Variants in XIRP2 observed in about 807,000 individuals in gnomAD.
XIRP2 encodes xin actin binding repeat containing 2.
In XIRP2, 236 loss-of-function variants were observed where a neutral mutation model predicts 277.0. The ratio of observed to expected loss-of-function variants is 0.85; its 90% CI spans 0.77 to 0.95. The LOEUF is 0.95. XIRP2 is among the 40% of genes least tolerant of loss of function. XIRP2 has a pLI of 0.00. For synonymous variants in XIRP2, 1,490 were observed against 1,416.5 expected, an observed-to-expected ratio of 1.05 and a Z score of -1.17; for missense variants, 4,640 against 4,157.5, an observed-to-expected ratio of 1.12 and a Z score of -3.19.
intron 2 of XIRP2, among the ~76,000 whole-genome samples, chr2:166,929,565 A>G (rs1188260048): frequency 6.6e-6 from 1 of 152,128 alleles, no homozygotes; most frequent in East Asian, 1.9e-4. Context: ...TTATCGGACT[A>G]TAGTGATTAT....
chr2:167,254,297 T>C, intron 10 of XIRP2, 132 bp downstream of exon 10: 1 of 1,122,510 alleles, frequency 8.9e-7, no homozygotes, highest in Non-Finnish European at 1.2e-6. Context: ...CACAGGGAGA[T>C]TTGCTCATGT....
chr2:166,938,981 G>T (rs1379146048), intron 2 of XIRP2, among the ~76,000 whole-genome samples: 6 of 152,014 alleles, frequency 3.9e-5, no homozygotes, highest in African/African-American at 1.5e-4. Flanking sequence ...TGAGCCTATT[G>T]TGTCTCTGCA....
chr2:167,042,239 T>C (rs1688676121), intron 2 of XIRP2, among the ~76,000 whole-genome samples: 1 of 152,030 alleles, frequency 6.6e-6, no homozygotes, highest in Non-Finnish European at 1.5e-5. Flanking sequence ...AAAAACACAC[T>C]TAAGTACATA....
Position 167,024,396 on chromosome 2 carries a change from C to G in XIRP2, c.409-111513C>G, listed in dbSNP as rs575605564. Among the ~76,000 whole-genome samples the G allele has an allele frequency of 3.9e-5, 6 of 152,254 alleles. 1 individual carries two copies. The South Asian group carries it at 1.0e-3, about 26-fold the overall frequency. On this transcript the variant is annotated intron_variant, in intron 2 of 10. Transcript: ENST00000409195. ...TCTAGATATGCAATCATGTCATCTG[C>G]AAACAGGGACAATTTGACTTCCTCT...
chr2:167,183,327 A>C (rs1007243945), intron 3 of XIRP2, among the ~76,000 whole-genome samples: 1 of 152,208 alleles, frequency 6.6e-6, no homozygotes, highest in Non-Finnish European at 1.5e-5. Context: ...GAGAGAATGT[A>C]GATGTAGCTT....
chr2:166,927,251 G>C (rs1031812825), intron 2 of XIRP2, among the ~76,000 whole-genome samples: 16 of 152,138 alleles, frequency 1.1e-4, no homozygotes, highest in Admixed American at 3.9e-4. Flanking sequence ...AGGTTCATCA[G>C]GCCAACTTCC....
chr2:166,912,159 T>C (rs1684727042), intron 2 of XIRP2, among the ~76,000 whole-genome samples: 1 of 152,232 alleles, frequency 6.6e-6, no homozygotes, highest in Non-Finnish European at 1.5e-5. Context: ...TGGCCTGCCT[T>C]GCTAGGTTGG....
At chr2:167,095,446 G>A (rs1294107030) in intron 2 of XIRP2, among the ~76,000 whole-genome samples, 7 of 152,094 alleles carry the variant, frequency 4.6e-5, no homozygotes, top group Non-Finnish European at 1.0e-4. Flanking sequence ...CATTGGCTGT[G>A]GGTTTGTCCT....
At chr2:167,122,796 C>T (rs1436244349) in intron 2 of XIRP2, among the ~76,000 whole-genome samples, 5 of 152,128 alleles carry the variant, frequency 3.3e-5, no homozygotes, top group Non-Finnish European at 7.4e-5. Flanking sequence ...TCACATTGAA[C>T]AATCTACAGA....
Position 167,258,713 on chromosome 2 carries a change from C to A in XIRP2, c.*896C>A. The A allele has an allele frequency of 6.2e-7, 1 of 1,613,140 alleles. No homozygotes were observed. Among genetic ancestry groups the A allele is most frequent in the Non-Finnish European group, 8.5e-7 (1 of 1,179,596 alleles). On this transcript the variant is annotated 3_prime_UTR_variant, in exon 11 of 11. Coordinates refer to ENST00000409195, the MANE Select transcript of XIRP2 (RefSeq NM_152381.6). ...AGTCTCATATCTGAATAATTGCAGG[C>A]AGAAGACATCTATTTTAGAATTTCT...
chr2:167,184,998 C>T (rs761068430), intron 3 of XIRP2, among the ~76,000 whole-genome samples: 20 of 152,154 alleles, frequency 1.3e-4, no homozygotes, highest in Non-Finnish European at 2.5e-4. Flanking sequence ...TCCATCTACC[C>T]GTCATTCATC....
chr2:167,247,554 T>A lies in XIRP2; in HGVS notation c.6162T>A (p.Asn2054Lys). The A allele has an allele frequency of 1.9e-6, 3 of 1,613,718 alleles. No homozygotes were observed. The highest frequency in any genetic ancestry group is 1.1e-5 in the South Asian group (1 of 91,070). ...RRLSNSHHKS[N>K]VLESGDKTGV... ...TATCTAATTCACACCATAAATCTAA[T>A]GTTTTGGAATCAGGAGACAAAACGG... The change falls in exon 9 of 11, where the codon AAT becomes AAA. Residue 2054 changes from asparagine (N) to lysine (K), a missense_variant. Transcript: ENST00000409195.
chr2:167,000,062 C>T (rs747152537), intron 2 of XIRP2, among the ~76,000 whole-genome samples: 4 of 152,112 alleles, frequency 2.6e-5, no homozygotes, highest in Admixed American at 6.5e-5. Flanking sequence ...GAAAACCCAA[C>T]CCTGATAATA....
At chr2:167,230,503 A>G (rs1298386215) in intron 5 of XIRP2, among the ~76,000 whole-genome samples, 1 of 152,086 alleles carries the variant, frequency 6.6e-6, no homozygotes. Context: ...CATCAAGTCT[A>G]TATGCTAAGT....
Position 167,245,854 on chromosome 2 carries a change from A to G in XIRP2, c.4462A>G (p.Lys1488Glu). Residue 1488 changes from lysine to glutamate, a missense_variant, in exon 9 of 11, where the codon AAG (lysine) becomes GAG (glutamate). Physicochemically the swap from Lys to Glu is moderately conservative, Grantham distance 56. Coordinates refer to ENST00000409195, the MANE Select transcript of XIRP2 (RefSeq NM_152381.6). ...TQEDVQKGDV[K>E]QAVWLFENRT... is the part of the protein sequence containing the mutation. The stretch of plus-strand genomic sequence containing the variant: ...GGAAGATGTGCAGAAAGGTGATGTT[A>G]AGCAGGCTGTGTGGCTTTTTGAAAA... The G allele has an allele frequency of 6.2e-7, 1 of 1,613,774 alleles. No individual in the cohort carries two copies. Among genetic ancestry groups the G allele is most frequent in the Middle Eastern group, 1.7e-4 (1 of 6,060 alleles).
chr2:167,124,490 A>G (rs1691144178), intron 2 of XIRP2: 1 of 152,200 alleles, frequency 6.6e-6, no homozygotes, highest in East Asian at 1.9e-4. Flanking sequence ...AATTCACAAA[A>G]TATTCAAATC....
At chr2:167,135,423 A>C (rs16852998) in intron 2 of XIRP2, among the ~76,000 whole-genome samples, 12,951 of 152,102 alleles carry the variant, frequency 0.085, 617 homozygotes, top group African/African-American at 0.12. Flanking sequence ...ACTGTATTCA[A>C]TGTATGCTGG....
In XIRP2 at chr2:166,892,815, A is replaced by G. The variant is rs1684137241; in HGVS notation, c.-19+4258A>G. Among the ~76,000 whole-genome samples the G allele has an allele frequency of 1.3e-5, 2 of 148,550 alleles. 1 individual carries two copies. The highest frequency in any genetic ancestry group is 4.2e-4 in the South Asian group (2 of 4,740). On this transcript the variant is annotated intron_variant, in intron 1 of 10. Transcript: ENST00000409195. ...AGAGATCATTTCATAGAAGATATAT[A>G]TATATATATATAACTTCTATGATAT... is the stretch of plus-strand genomic sequence containing the variant.
chr2:167,237,030 G>A (rs1217800841), intron 5 of XIRP2, among the ~76,000 whole-genome samples: 1 of 152,018 alleles, frequency 6.6e-6, no homozygotes, highest in African/African-American at 2.4e-5. Flanking sequence ...GTAACTAGAG[G>A]GCAGTAAAAT....
Sources: gnomAD v4.1 joint callset for allele counts (sites outside exome capture counted in the v4.1 genomes callset) on GRCh38, gnomAD v4.1.1 for gene constraint, MANE v1.5 for transcripts, NCBI Gene and HGNC (gene_info 2026-07-23, HGNC 2026-07-21) for gene names.